Variants in KSR1 observed in about 807,000 individuals in gnomAD.
KSR1 encodes kinase suppressor of ras.
In KSR1, 35 loss-of-function variants were observed where a neutral mutation model predicts 92.9. That is an observed-to-expected ratio of 0.38 (90% CI 0.29 to 0.50). The LOEUF (loss-of-function observed/expected upper bound fraction) is 0.50, where lower values mean the gene tolerates loss of function less well. Among genes scored for constraint, KSR1 ranks in the 20% least tolerant of loss-of-function variants. The pLI, the probability that KSR1 is intolerant of heterozygous loss-of-function variation, is 0.94. For missense variants in KSR1, 972 were observed against 1,158.5 expected (o/e 0.84, Z 2.34); for synonymous variants, 467 against 472.6 (o/e 0.99, Z 0.15).
chr17:27,572,195 C>G (rs1327541959), intron 2 of KSR1, among the ~76,000 whole-genome samples: 4 of 152,244 alleles, frequency 2.6e-5, no homozygotes, highest in African/African-American at 9.6e-5. Flanking sequence ...TTAATCCCAC[C>G]TACTGGAGAA....
intron 1 of KSR1, among the ~76,000 whole-genome samples, chr17:27,485,031 A>G (rs986247632): frequency 6.6e-6 from 1 of 152,184 alleles, no homozygotes; most frequent in Non-Finnish European, 1.5e-5. Context: ...CAGTTTCCCC[A>G]AGAGGGTTAT....
chr17:27,576,471 C>G (rs2072509723), intron 2 of KSR1, among the ~76,000 whole-genome samples: 1 of 152,200 alleles, frequency 6.6e-6, no homozygotes, highest in Admixed American at 6.5e-5. Context: ...GGTCTCTCTT[C>G]TCTCTCTCAA....
chr17:27,591,619 A>G (rs1310903625), intron 7 of KSR1, among the ~76,000 whole-genome samples: 1 of 152,198 alleles, frequency 6.6e-6, no homozygotes, highest in African/African-American at 2.4e-5. Flanking sequence ...TGTGCATATC[A>G]GCTGGACCCA....
intron 1 of KSR1, among the ~76,000 whole-genome samples, chr17:27,538,385 T>C (rs1314447850): frequency 1.3e-5 from 2 of 152,202 alleles, no homozygotes; most frequent in Non-Finnish European, 2.9e-5. Context: ...TTGTCTGTTT[T>C]CAAAATGGGC....
intron 1 of KSR1, among the ~76,000 whole-genome samples, chr17:27,524,571 C>T (rs1011332228): frequency 6.6e-6 from 1 of 152,134 alleles, no homozygotes; most frequent in Non-Finnish European, 1.5e-5. Flanking sequence ...AAGTACAGGC[C>T]GGTGGCCTCC....
chr17:27,517,623 C>CG (rs1328354920), intron 1 of KSR1, among the ~76,000 whole-genome samples: 1 of 152,138 alleles, frequency 6.6e-6, no homozygotes, highest in African/African-American at 2.4e-5. Flanking sequence ...TTTCATTGGA[C>CG]GATAAACTAT....
intron 1 of KSR1, among the ~76,000 whole-genome samples, chr17:27,528,100 C>T (rs548624698): frequency 3.9e-5 from 6 of 152,290 alleles, no homozygotes; most frequent in African/African-American, 1.2e-4. Flanking sequence ...AAGTCTCACT[C>T]TGTTGCCGAG....
At chr17:27,529,537 A>G (rs1028292387) in intron 1 of KSR1, among the ~76,000 whole-genome samples, 2 of 152,210 alleles carry the variant, frequency 1.3e-5, no homozygotes, top group Admixed American at 1.3e-4. Context: ...CGCTCCTGCC[A>G]TGCTCCTGCC....
At chr17:27,477,711 CTCT>C (rs2068387623) in intron 1 of KSR1, among the ~76,000 whole-genome samples, 1 of 151,530 alleles carries the variant, frequency 6.6e-6, no homozygotes, top group African/African-American at 2.4e-5. Flanking sequence ...GTTCCCTGTT[CTCT>C]TCTTTTTTTT....
chr17:27,480,647 C>T (rs564111633), intron 1 of KSR1, among the ~76,000 whole-genome samples: 1 of 152,348 alleles, frequency 6.6e-6, no homozygotes, highest in Non-Finnish European at 1.5e-5. Flanking sequence ...GATCCACCCG[C>T]TTCGGCCTCC....
rs562981727 is a variant in KSR1 at position 27,468,396 on chromosome 17, T to A, written c.231+11522T>A. ...GATTACAGGCACACACCACCATGCC[T>A]GGCTAATTTTCTTATTTTTAGTAGA... On this transcript the variant is annotated intron_variant, in intron 1 of 20. Coordinates refer to ENST00000644974, the MANE Select transcript of KSR1 (RefSeq NM_001394583.1). Among the ~76,000 whole-genome samples, 4 of 152,202 alleles carry A rather than the reference T, an allele frequency of 2.6e-5. No individual in the cohort carries two copies. In the South Asian group the frequency reaches 8.3e-4, roughly 32 times the overall value.
rs2019328002 is a variant in KSR1, at chr17:27,459,370, C to A, written c.231+2496C>A. On this transcript the variant is annotated intron_variant, in intron 1 of 20. Coordinates refer to ENST00000644974, the MANE Select transcript of KSR1 (RefSeq NM_001394583.1). This position sits in a 1 kb window ranked among gnomAD's most constrained non-coding sequence, Gnocchi z 4.6. The stretch of plus-strand genomic sequence containing the variant: ...CTGGACCCTTGCTAGGGAAACTTAA[C>A]CCCCTACTTTATGGGTTCAGTAAAT... 6.6e-6 allele frequency among the ~76,000 whole-genome samples: 1 copy of A among 152,240 alleles called. No individual in the cohort carries two copies. Among genetic ancestry groups the A allele is most frequent in the Non-Finnish European group, 1.5e-5 (1 of 68,042 alleles).
At chr17:27,557,790 G>A (rs558593684) in intron 2 of KSR1, among the ~76,000 whole-genome samples, 1 of 152,166 alleles carries the variant, frequency 6.6e-6, no homozygotes, top group African/African-American at 2.4e-5. Context: ...GAACCCTCCA[G>A]ATGGTGGCTT....
chr17:27,544,930 A>G (rs2071106526), intron 1 of KSR1, among the ~76,000 whole-genome samples: 2 of 152,158 alleles, frequency 1.3e-5, no homozygotes, highest in African/African-American at 2.4e-5. Context: ...CCTGTAGGCC[A>G]CCTCCATCCT....
chr17:27,473,907 G>T (rs1207804123), intron 1 of KSR1, among the ~76,000 whole-genome samples: 3 of 152,108 alleles, frequency 2.0e-5, no homozygotes, highest in Non-Finnish European at 4.4e-5. Flanking sequence ...CACTCTTCCA[G>T]CTGCATCTTT....
intron 10 of KSR1, among the ~76,000 whole-genome samples, chr17:27,598,710 A>G (rs1334420021): frequency 1.3e-5 from 2 of 152,236 alleles, no homozygotes; most frequent in African/African-American, 4.8e-5. Flanking sequence ...CGGCAGTCAC[A>G]GAAAAAGTTC....
intron 6 of KSR1, among the ~76,000 whole-genome samples, chr17:27,589,002 C>A (rs953369613): frequency 2.0e-5 from 3 of 152,176 alleles, no homozygotes; most frequent in African/African-American, 7.2e-5. Context: ...TAATTAAAAC[C>A]CAGTGAGGGA....
intron 2 of KSR1, among the ~76,000 whole-genome samples, chr17:27,568,089 T>A (rs1400711377): frequency 6.6e-6 from 1 of 152,232 alleles, no homozygotes; most frequent in African/African-American, 2.4e-5. Context: ...GTTACTGCTG[T>A]GGGGCAGAAG....
intron 17 of KSR1, 134 bp downstream of exon 17, chr17:27,610,332 C>T (rs752711801): frequency 8.2e-5 from 98 of 1,200,072 alleles, no homozygotes; most frequent in Non-Finnish European, 1.1e-4. Flanking sequence ...ACCTTGAGTC[C>T]TGGCTCTGCC....
Sources: allele counts gnomAD v4.1 joint callset (sites outside exome capture counted in the v4.1 genomes callset), GRCh38; gene constraint gnomAD v4.1.1; non-coding constraint Gnocchi (gnomAD v3.1); transcripts MANE v1.5; gene names NCBI Gene and HGNC (gene_info 2026-07-23, HGNC 2026-07-21).